The following DENND1A variants were observed in gnomAD, a reference collection of about 807,000 sequenced individuals.
DENND1A encodes DENN domain-containing protein 1A.
In DENND1A, 51 loss-of-function variants were observed where a neutral mutation model predicts 113.7. That is an observed-to-expected ratio of 0.45 (90% CI 0.36 to 0.57). The LOEUF (loss-of-function observed/expected upper bound fraction) is 0.57. Among genes scored for constraint, DENND1A ranks in the 20% least tolerant of loss-of-function variants. DENND1A has a pLI of 0.00. For missense variants in DENND1A, 1,258 were observed against 1,395.9 expected, an observed-to-expected ratio of 0.90 and a Z score of 1.57; for synonymous variants, 565 against 570.8, an observed-to-expected ratio of 0.99 and a Z score of 0.14.
At chr9:123,399,924 C>T (rs745781122) in intron 21 of DENND1A, among the ~76,000 whole-genome samples, 4 of 152,210 alleles carry the variant, frequency 2.6e-5, no homozygotes, top group Non-Finnish European at 5.9e-5. Context: ...CGGGAAGAAA[C>T]GATGCTAGCC....
intron 13 of DENND1A, among the ~76,000 whole-genome samples, chr9:123,475,173 C>A (rs1287510369): frequency 1.3e-5 from 2 of 152,166 alleles, no homozygotes; most frequent in East Asian, 3.8e-4. Context: ...CGCCCGCCAA[C>A]ACGCCCGGCT....
chr9:123,758,473 A>G (rs761912873), intron 4 of DENND1A, among the ~76,000 whole-genome samples: 1 of 152,242 alleles, frequency 6.6e-6, no homozygotes, highest in Non-Finnish European at 1.5e-5. Context: ...AATCACGTTC[A>G]CACAGCTACA....
intron 2 of DENND1A, among the ~76,000 whole-genome samples, chr9:123,800,379 T>C (rs141948325): frequency 1.1e-3 from 172 of 152,336 alleles, no homozygotes; most frequent in African/African-American, 3.9e-3. Flanking sequence ...TGGCTTAATT[T>C]TTATCCTATT....
chr9:123,406,456 C>T (rs556508202), intron 20 of DENND1A, among the ~76,000 whole-genome samples: 19 of 152,350 alleles, frequency 1.2e-4, no homozygotes, highest in African/African-American at 4.1e-4. Context: ...GAGTGGGTGT[C>T]TCTGAATTAG....
At chr9:123,583,005 C>T (rs955204724) in intron 12 of DENND1A, among the ~76,000 whole-genome samples, 164 bp downstream of exon 12, 4 of 152,182 alleles carry the variant, frequency 2.6e-5, no homozygotes, top group African/African-American at 9.7e-5. Flanking sequence ...GGCCACCTTC[C>T]AACTTTCTAC....
intron 9 of DENND1A, among the ~76,000 whole-genome samples, chr9:123,641,303 T>TTCATAAGAG (rs1209652675): frequency 6.6e-6 from 1 of 152,154 alleles, no homozygotes; most frequent in African/African-American, 2.4e-5. Context: ...AAAATTCTGA[T>TTCATAAGAG]TCATAAGAGT....
chr9:123,431,766 G>A (rs2046149237), intron 19 of DENND1A, among the ~76,000 whole-genome samples: 1 of 152,098 alleles, frequency 6.6e-6, no homozygotes, highest in Non-Finnish European at 1.5e-5. Context: ...TGTGGAGCTT[G>A]GTGGGCAGTG....
At chr9:123,630,677 T>C (rs568223380) in intron 9 of DENND1A, among the ~76,000 whole-genome samples, 2 of 152,308 alleles carry the variant, frequency 1.3e-5, no homozygotes, top group African/African-American at 2.4e-5. Flanking sequence ...TTTTTTCTGA[T>C]GATAAAGCTA....
chr9:123,669,925 T>C (rs1028072460), intron 7 of DENND1A, among the ~76,000 whole-genome samples: 2 of 152,184 alleles, frequency 1.3e-5, no homozygotes, highest in African/African-American at 4.8e-5. Flanking sequence ...GGAAAGACCA[T>C]AGGCTTGAAG....
At chr9:123,536,524 G>A (rs1488248502) in intron 13 of DENND1A, among the ~76,000 whole-genome samples, 1 of 151,846 alleles carries the variant, frequency 6.6e-6, no homozygotes, top group Non-Finnish European at 1.5e-5. Flanking sequence ...AGCTCAGTGA[G>A]TCAATCTGAG....
At chr9:123,528,620 T>C (rs2055038912) in intron 13 of DENND1A, among the ~76,000 whole-genome samples, 1 of 152,220 alleles carries the variant, frequency 6.6e-6, no homozygotes, top group Non-Finnish European at 1.5e-5. Flanking sequence ...AGAGCTAATA[T>C]AATGCCCTTC....
intron 13 of DENND1A, among the ~76,000 whole-genome samples, chr9:123,543,106 G>C (rs1311890663): frequency 6.6e-6 from 1 of 152,178 alleles, no homozygotes; most frequent in Non-Finnish European, 1.5e-5. Flanking sequence ...AAATGCTTTG[G>C]AAAAACAATG....
At chr9:123,655,282 C>A (rs771501858) in intron 8 of DENND1A, among the ~76,000 whole-genome samples, 1 of 152,164 alleles carries the variant, frequency 6.6e-6, no homozygotes, top group Non-Finnish European at 1.5e-5. Flanking sequence ...CTCCCATCAT[C>A]CAGCAGTTTG....
intron 2 of DENND1A, among the ~76,000 whole-genome samples, chr9:123,855,518 G>A (rs1844033916): frequency 6.6e-6 from 1 of 152,172 alleles, no homozygotes; most frequent in South Asian, 2.1e-4. Context: ...CTCAGCTAGT[G>A]CAGAAGGTCA....
chr9:123,738,053 TCCTGA>T (rs2068703093), intron 5 of DENND1A, among the ~76,000 whole-genome samples: 1 of 152,176 alleles, frequency 6.6e-6, no homozygotes, highest in African/African-American at 2.4e-5. Flanking sequence ...AGAAACGCTA[TCCTGA>T]ATGTAAAGCA....
At chr9:123,780,000 C>G (rs1381629771) in intron 3 of DENND1A, among the ~76,000 whole-genome samples, 1 of 89,196 alleles carries the variant, frequency 1.1e-5, no homozygotes, top group Non-Finnish European at 2.1e-5. Flanking sequence ...ATTACAGGCG[C>G]CCCCCCACCA....
At chr9:123,867,881 G>A (rs1283100440) in intron 2 of DENND1A, among the ~76,000 whole-genome samples, 1 of 152,164 alleles carries the variant, frequency 6.6e-6, no homozygotes. Context: ...TTCTATTTGG[G>A]TGTTAAACTG....
At chr9:123,511,571 T>C (rs754512835) in intron 13 of DENND1A, among the ~76,000 whole-genome samples, 2 of 152,256 alleles carry the variant, frequency 1.3e-5, no homozygotes, top group Admixed American at 6.5e-5. Flanking sequence ...CTGACCACCA[T>C]AGCAGCAGCA....
chr9:123,382,902 C>T lies in DENND1A; in HGVS notation c.2020-277G>A, dbSNP rs1200879223. On this transcript the variant is annotated intron_variant, in intron 23 of 23. Coordinates refer to ENST00000394215, the MANE Select transcript of DENND1A (RefSeq NM_001352964.2). ...AGGAGTTTTAGGAAAGTGACTCCAGCTACCGGCTGGCCCTTTTTACTTTTT... is the reference window on the plus strand; with the variant it reads ...AGGAGTTTTAGGAAAGTGACTCCAGTTACCGGCTGGCCCTTTTTACTTTTT... 2.0e-5 allele frequency among the ~76,000 whole-genome samples: 3 copies of T among 152,154 alleles called. No individual in the cohort carries two copies. The South Asian group carries it at 6.2e-4, about 31-fold the overall frequency.
Sources: gnomAD v4.1 joint callset for allele counts (sites outside exome capture counted in the v4.1 genomes callset) on GRCh38, gnomAD v4.1.1 for gene constraint, MANE v1.5 for transcripts, NCBI Gene and HGNC (gene_info 2026-07-23, HGNC 2026-07-21) for gene names.